CAMLG: variants seen among roughly 807,000 people sequenced by gnomAD.
CAMLG encodes guided entry of tail-anchored proteins factor CAMLG.
CAMLG carries 23 observed loss-of-function variants against 28.9 expected under a neutral mutation model. That is an observed-to-expected ratio of 0.80 (90% CI 0.57 to 1.13). CAMLG has a LOEUF of 1.13. CAMLG is among the 50% of genes most tolerant of loss of function. CAMLG has a pLI of 0.00. For synonymous variants in CAMLG, 141 were observed against 146.5 expected (o/e 0.96, Z 0.27); for missense variants, 367 against 371.9 (o/e 0.99, Z 0.11).
intron 3 of CAMLG, among the ~76,000 whole-genome samples, chr5:134,747,830 CG>C: frequency 6.6e-6 from 1 of 151,070 alleles, no homozygotes; most frequent in South Asian, 2.1e-4. Context: ...TTAGTAGAGA[CG>C]GGGTTTCACC....
intron 1 of CAMLG, 99 bp downstream of exon 1, chr5:134,738,891 A>C: frequency 3.3e-6 from 4 of 1,203,972 alleles, no homozygotes; most frequent in Non-Finnish European, 4.8e-6. Context: ...CTTTTTGACC[A>C]AGCCTTGCTC....
intron 2 of CAMLG, among the ~76,000 whole-genome samples, chr5:134,743,553 G>C (rs918222490): frequency 7.2e-5 from 11 of 151,768 alleles, no homozygotes; most frequent in Admixed American, 7.2e-4. Flanking sequence ...CTGGGTGACA[G>C]AGCGAGACTC....
chr5:134,744,631 T>C (rs1430858364), intron 3 of CAMLG, among the ~76,000 whole-genome samples: 2 of 152,132 alleles, frequency 1.3e-5, no homozygotes, highest in African/African-American at 2.4e-5. Flanking sequence ...TTGAGGTCCT[T>C]CATGAAAAAG....
intron 3 of CAMLG, 66 bp downstream of exon 3, chr5:134,744,118 G>A: frequency 1.3e-6 from 1 of 752,678 alleles, no homozygotes; most frequent in East Asian, 2.7e-5. Flanking sequence ...GCTAATTGAA[G>A]GAACTTAAAA....
At chr5:134,743,161 T>C (rs1176967554) in intron 2 of CAMLG, among the ~76,000 whole-genome samples, 1 of 152,226 alleles carries the variant, frequency 6.6e-6, no homozygotes, top group Non-Finnish European at 1.5e-5. Flanking sequence ...GCTGGAAGAA[T>C]GCCACGTATT....
chr5:134,744,079 G>C (rs760953538), intron 3 of CAMLG, 27 bp downstream of exon 3: 5 of 1,023,168 alleles, frequency 4.9e-6, no homozygotes, highest in South Asian at 4.1e-5. Context: ...TCTAAATTTC[G>C]ATGATGTGTT....
intron 3 of CAMLG, among the ~76,000 whole-genome samples, chr5:134,744,382 G>A (rs1753020802): frequency 6.6e-6 from 1 of 152,048 alleles, no homozygotes; most frequent in Non-Finnish European, 1.5e-5. Context: ...AAATTAGCCA[G>A]GTATGGTGAC....
intron 2 of CAMLG, among the ~76,000 whole-genome samples, chr5:134,742,466 T>C (rs1369389370): frequency 1.3e-5 from 2 of 152,154 alleles, no homozygotes; most frequent in Admixed American, 1.3e-4. Context: ...TAATTTGAAA[T>C]AGTAAAATGC....
rs138133729 is a variant in CAMLG, at chr5:134,741,268, T to C, written c.378T>C (p.Asp126=). The change falls in exon 2 of 4, where the codon GAT becomes GAC. Residue 126 remains aspartate, a synonymous_variant. Coordinates refer to ENST00000297156, the MANE Select transcript of CAMLG (RefSeq NM_001745.4). The part of the protein sequence containing the change: ...SFIKPPECSS[D]VNLELRQRNR... ...TTAAACCACCTGAGTGCAGTAGTGA[T>C]GTCAACCTTGAGCTCCGGCAGCGGA... The C allele has an allele frequency of 1.2e-6, 2 of 1,614,078 alleles. No homozygotes were observed. Among genetic ancestry groups the C allele is most frequent in the Non-Finnish European group, 1.7e-6 (2 of 1,180,042 alleles).
intron 3 of CAMLG, among the ~76,000 whole-genome samples, chr5:134,747,641 C>T (rs529979331): frequency 1.4e-5 from 2 of 145,158 alleles, no homozygotes; most frequent in African/African-American, 5.1e-5. Context: ...CCACCATGCT[C>T]GGCATTTTTT....
intron 3 of CAMLG, among the ~76,000 whole-genome samples, chr5:134,748,631 G>T (rs527600090): frequency 2.0e-5 from 3 of 152,088 alleles, no homozygotes; most frequent in Non-Finnish European, 4.4e-5. Context: ...CATTTAATAC[G>T]TTTGTTATCC....
chr5:134,740,581 GA>G (rs1283256162), intron 1 of CAMLG, among the ~76,000 whole-genome samples: 1 of 152,086 alleles, frequency 6.6e-6, no homozygotes, highest in Non-Finnish European at 1.5e-5. Flanking sequence ...GGGTGTAGAG[GA>G]AGAATCCAGC....
At chr5:134,745,119 A>G (rs964529129) in intron 3 of CAMLG, among the ~76,000 whole-genome samples, 1 of 152,232 alleles carries the variant, frequency 6.6e-6, no homozygotes, top group Non-Finnish European at 1.5e-5. Flanking sequence ...TAACATTGTA[A>G]TTTTAATTAA....
At chr5:134,750,578 C>G (rs1335418294) in intron 3 of CAMLG, among the ~76,000 whole-genome samples, 181 bp from the exon 4 acceptor site, 1 of 151,738 alleles carries the variant, frequency 6.6e-6, no homozygotes, top group East Asian at 1.9e-4. Context: ...TATTGCCTAG[C>G]AGATTGATGA....
At chr5:134,750,651 A>G in intron 3 of CAMLG, 108 bp from the exon 4 acceptor site, 4 of 669,172 alleles carry the variant, frequency 6.0e-6, no homozygotes, top group Non-Finnish European at 7.6e-6. Flanking sequence ...CATCATTAAC[A>G]GTTTTTAAAT....
chr5:134,746,694 C>A (rs1270049872), intron 3 of CAMLG, among the ~76,000 whole-genome samples: 1 of 151,984 alleles, frequency 6.6e-6, no homozygotes, highest in Non-Finnish European at 1.5e-5. Flanking sequence ...TCAGTCTGGT[C>A]TGGAACTCCC....
In CAMLG at chr5:134,741,404, G is replaced by C; in HGVS notation, c.514G>C (p.Glu172Gln). ...AMKLRKQLIS[E>Q]KPSQEDGNTT... ...GAAGCTAAGGAAACAGCTGATTAGTGAAAAACCCAGTCAAGAGGATGGAAA... is the reference window on the plus strand; with the variant it reads ...GAAGCTAAGGAAACAGCTGATTAGTCAAAAACCCAGTCAAGAGGATGGAAA... The change falls in exon 2 of 4, where the codon GAA becomes CAA. Residue 172 changes from glutamate to glutamine, a missense_variant. By Grantham distance (29) the Glu-to-Gln change is conservative. Transcript: ENST00000297156. 1 of 1,614,082 alleles carries C rather than the reference G, an allele frequency of 6.2e-7. No homozygotes were observed. The highest frequency in any genetic ancestry group is 8.5e-7 in the Non-Finnish European group (1 of 1,179,926).
rs370493122 is a variant in CAMLG at position 134,741,238 on chromosome 5, G to A, written c.348G>A (p.Ser116=). 18 of 1,614,064 alleles carry A rather than the reference G, an allele frequency of 1.1e-5. 2 individuals are homozygous for A. In the Admixed American group the frequency reaches 1.2e-4, roughly 10 times the overall value. ...CCCAACTGGGAGACAAATTGGACTC[G>A]TTCATTAAACCACCTGAGTGCAGTA... ...KGTQLGDKLD[S]FIKPPECSSD... The change falls in exon 2 of 4, where the codon TCG becomes TCA. Residue 116 remains serine (S), a synonymous_variant. Coordinates refer to ENST00000297156, the MANE Select transcript of CAMLG (RefSeq NM_001745.4).
intron 3 of CAMLG, among the ~76,000 whole-genome samples, chr5:134,748,122 A>G (rs1753073076): frequency 6.6e-6 from 1 of 151,764 alleles, no homozygotes; most frequent in African/African-American, 2.4e-5. Context: ...TCGGCCTCCT[A>G]AAGTGCTAGA....
Sources: gnomAD v4.1 joint callset for allele counts (sites outside exome capture counted in the v4.1 genomes callset) on GRCh38, gnomAD v4.1.1 for gene constraint, MANE v1.5 for transcripts, NCBI Gene and HGNC (gene_info 2026-07-23, HGNC 2026-07-21) for gene names.